The following PC variants were observed in gnomAD, a reference collection of about 807,000 sequenced individuals.
PC encodes pyruvate carboxylase, mitochondrial.
A neutral mutation model predicts 107.8 loss-of-function variants in PC; 46 were observed. The ratio of observed to expected loss-of-function variants is 0.43; its 90% CI spans 0.34 to 0.55. The LOEUF (loss-of-function observed/expected upper bound fraction) is 0.55. PC is among the 20% of genes least tolerant of loss of function. The pLI is 0.04. For synonymous variants in PC, 662 were observed against 684.7 expected, an observed-to-expected ratio of 0.97 and a Z score of 0.52; for missense variants, 1,241 against 1,643.1, an observed-to-expected ratio of 0.76 and a Z score of 4.23.
At chr11:66,910,459 G>A (rs1236019627) in intron 3 of PC, among the ~76,000 whole-genome samples, 1 of 152,194 alleles carries the variant, frequency 6.6e-6, no homozygotes, top group Non-Finnish European at 1.5e-5. Flanking sequence ...AGCAAGACAA[G>A]CAAGTAGAGT....
At chr11:66,882,408 G>A (rs1223209005) in intron 3 of PC, among the ~76,000 whole-genome samples, 1 of 152,246 alleles carries the variant, frequency 6.6e-6, no homozygotes, top group East Asian at 1.9e-4. Flanking sequence ...GGCCGCAGAG[G>A]AAGGGAAAGA....
At chr11:66,931,039 G>A (rs760322897) in intron 3 of PC, among the ~76,000 whole-genome samples, 11 of 152,064 alleles carry the variant, frequency 7.2e-5, no homozygotes, top group Non-Finnish European at 1.6e-4. Context: ...GTTGGCTATC[G>A]GTGGGAAAAC....
At chr11:66,875,577 G>T (rs530183097) in intron 3 of PC, among the ~76,000 whole-genome samples, 3 of 152,094 alleles carry the variant, frequency 2.0e-5, no homozygotes, top group Non-Finnish European at 4.4e-5. Context: ...AGGAGCCCAG[G>T]GGGGATGCCT....
Position 66,871,387 on chromosome 11 carries a change from T to A in PC, c.415A>T (p.Ile139Phe). ...CGGACCACTTCTGGGCTTGGCCCAA[T>A]AAACCGGACCCCTGCATCCTGGCAG... Reference protein sequence around the residue: ...QACQDAGVRFIGPSPEVVRKM... With the variant: ...QACQDAGVRFFGPSPEVVRKM... Residue 139 changes from isoleucine (I) to phenylalanine (F), a missense_variant, in exon 6 of 23, where the codon ATT (isoleucine) becomes TTT (phenylalanine). Coordinates refer to ENST00000393960, the MANE Select transcript of PC (RefSeq NM_001040716.2). The surrounding 1 kb of genome is among the most constrained non-coding windows in gnomAD (Gnocchi z 7.4). The A allele has an allele frequency of 6.2e-7, 1 of 1,613,776 alleles. No individual in the cohort carries two copies. Among genetic ancestry groups the A allele is most frequent in the Non-Finnish European group, 8.5e-7 (1 of 1,180,028 alleles).
chr11:66,957,314 T>TA (rs1949586740), intron 1 of PC, among the ~76,000 whole-genome samples: 1 of 152,176 alleles, frequency 6.6e-6, no homozygotes, highest in South Asian at 2.1e-4. Flanking sequence ...TCTCACAAAA[T>TA]AAAGACACAA....
chr11:66,950,713 G>C (rs1056951544), intron 3 of PC, among the ~76,000 whole-genome samples: 15 of 135,104 alleles, frequency 1.1e-4, no homozygotes, highest in African/African-American at 3.8e-4. Context: ...TGGATCTAAG[G>C]GAAGACATCA....
chr11:66,935,395 C>T lies in PC; in HGVS notation c.-1+17035G>A, dbSNP rs141790937. Among the ~76,000 whole-genome samples, 27 of 152,346 alleles carry T rather than the reference C, an allele frequency of 1.8e-4. No homozygotes were observed. The East Asian group carries it at 5.2e-3, about 29-fold the overall frequency. On this transcript the variant is annotated intron_variant, in intron 3 of 22. Coordinates refer to ENST00000393960, the MANE Select transcript of PC (RefSeq NM_001040716.2). Reference sequence around the variant, plus strand: ...GGAGGGCTGAAGAAAACCTTACAGTCTTACTGAAACAGCCTTGGGCAACAT... The same window carrying T: ...GGAGGGCTGAAGAAAACCTTACAGTTTTACTGAAACAGCCTTGGGCAACAT...
At chr11:66,859,206 C>G in intron 12 of PC, 1 of 1,302,158 alleles carries the variant, frequency 7.7e-7, no homozygotes, top group East Asian at 2.6e-5. Context: ...CACCCCCTCC[C>G]CGACCATGGC....
intron 3 of PC, among the ~76,000 whole-genome samples, chr11:66,917,593 T>C (rs1254908692): frequency 1.3e-5 from 2 of 152,084 alleles, no homozygotes; most frequent in Admixed American, 6.5e-5. Context: ...GAAGGCTGCG[T>C]TTGTTGCTTT....
At chr11:66,880,773 G>GGTCCCATGCTGCA (rs534674028) in intron 3 of PC, among the ~76,000 whole-genome samples, 30 of 152,178 alleles carry the variant, frequency 2.0e-4, no homozygotes, top group Middle Eastern at 3.2e-3. Context: ...CTCCCTCTGC[G>GGTCCCATGCTGCA]GTCCCATGCT....
intron 12 of PC, among the ~76,000 whole-genome samples, chr11:66,859,388 C>T (rs1252483139): frequency 6.6e-6 from 1 of 152,194 alleles, no homozygotes; most frequent in Non-Finnish European, 1.5e-5. Context: ...ATGGCCCGCG[C>T]CCGCGTGTTA....
At chr11:66,907,298 C>T (rs996050124) in intron 3 of PC, among the ~76,000 whole-genome samples, 4 of 152,174 alleles carry the variant, frequency 2.6e-5, no homozygotes, top group Non-Finnish European at 1.5e-5. Context: ...GAGGCCGAGG[C>T]GGGCAGATCA....
At chr11:66,943,859 G>A (rs948649390) in intron 3 of PC, among the ~76,000 whole-genome samples, 8 of 148,616 alleles carry the variant, frequency 5.4e-5, no homozygotes, top group South Asian at 2.1e-4. Flanking sequence ...TGGCAGGCGC[G>A]TGTATTCCCA....
At chr11:66,908,472 C>A (rs140316264) in intron 3 of PC, among the ~76,000 whole-genome samples, 1 of 152,234 alleles carries the variant, frequency 6.6e-6, no homozygotes, top group East Asian at 1.9e-4. Flanking sequence ...ATGAAACCAC[C>A]CAGCTCAGTT....
At chr11:66,896,619 G>A (rs1306815728) in intron 3 of PC, among the ~76,000 whole-genome samples, 1 of 152,188 alleles carries the variant, frequency 6.6e-6, no homozygotes, top group Non-Finnish European at 1.5e-5. Context: ...TCCCTTCAAG[G>A]GGAACTAAAG....
At chr11:66,896,648 T>C (rs1947770555) in intron 3 of PC, among the ~76,000 whole-genome samples, 1 of 152,214 alleles carries the variant, frequency 6.6e-6, no homozygotes, top group African/African-American at 2.4e-5. Context: ...AGCCTCACTC[T>C]TACTGATGAG....
At chr11:66,920,463 G>C (rs1948567290) in intron 3 of PC, among the ~76,000 whole-genome samples, 1 of 152,050 alleles carries the variant, frequency 6.6e-6, no homozygotes, top group South Asian at 2.1e-4. Context: ...AAGCGGAGGG[G>C]GACAGGAAAA....
intron 3 of PC, among the ~76,000 whole-genome samples, chr11:66,917,480 T>C (rs1027775661): frequency 1.3e-5 from 2 of 152,038 alleles, no homozygotes; most frequent in African/African-American, 2.4e-5. Context: ...TAGGATGGAG[T>C]TCAAGAGCAT....
rs1160437520 is a variant in PC at position 66,860,637 on chromosome 11, T to C, written c.1368+3137A>G. The C allele has an allele frequency of 5.7e-6, 4 of 701,648 alleles. No individual in the cohort carries two copies. In the South Asian group the frequency reaches 5.9e-5, roughly 10 times the overall value. 43.5% of individuals were successfully genotyped at this position (701,648 alleles called of 1,614,324 possible). Reference sequence around the variant, plus strand: ...CCTGTCCACAGGGGCGGCCCAGGGCTGCGGCCAAGGGCTGTGCCTGGTGTC... The same window carrying C: ...CCTGTCCACAGGGGCGGCCCAGGGCCGCGGCCAAGGGCTGTGCCTGGTGTC... On this transcript the variant is annotated intron_variant, in intron 12 of 22. Coordinates refer to ENST00000393960, the MANE Select transcript of PC (RefSeq NM_001040716.2).
Sources: gnomAD v4.1 joint callset for allele counts (sites outside exome capture counted in the v4.1 genomes callset) on GRCh38, gnomAD v4.1.1 for gene constraint, Gnocchi (gnomAD v3.1) non-coding constraint, MANE v1.5 for transcripts, NCBI Gene and HGNC (gene_info 2026-07-23, HGNC 2026-07-21) for gene names.